The following NCAM1 variants were observed in gnomAD, a reference collection of about 807,000 sequenced individuals.
NCAM1 encodes the protein antigen recognized by monoclonal antibody 5.1H11.
Under a neutral mutation model 109.8 loss-of-function variants are expected in NCAM1, and 14 were observed. That is an observed-to-expected ratio of 0.13 (90% CI 0.08 to 0.20). The LOEUF is 0.20. Among genes scored for constraint, NCAM1 ranks in the 10% least tolerant of loss-of-function variants. The probability of loss-of-function intolerance (pLI) is 1.00; values close to 1 mark genes in which losing one functional copy is unlikely to be tolerated. For synonymous variants in NCAM1, 418 were observed against 442.9 expected, an observed-to-expected ratio of 0.94 and a Z score of 0.70; for missense variants, 774 against 1,109.9, an observed-to-expected ratio of 0.70 and a Z score of 4.30.
chr11:112,967,007 A>G (rs554031181), intron 1 of NCAM1, among the ~76,000 whole-genome samples: 3 of 152,318 alleles, frequency 2.0e-5, no homozygotes, highest in Admixed American at 6.5e-5. Flanking sequence ...TATGCATTCT[A>G]TTTTCTTCCA....
chr11:113,228,644 A>G (rs1214541941), intron 9 of NCAM1, among the ~76,000 whole-genome samples: 3 of 152,352 alleles, frequency 2.0e-5, no homozygotes, highest in Admixed American at 1.3e-4. Context: ...AAGCCAAAAG[A>G]ACAAAGCTGG....
intron 1 of NCAM1, among the ~76,000 whole-genome samples, chr11:113,115,137 T>G (rs1940643071): frequency 6.6e-6 from 1 of 152,144 alleles, no homozygotes; most frequent in African/African-American, 2.4e-5. Context: ...CCTTTTGAGT[T>G]CCTGAGTTGC....
At chr11:113,048,633 C>T (rs1374999930) in intron 1 of NCAM1, among the ~76,000 whole-genome samples, 3 of 152,156 alleles carry the variant, frequency 2.0e-5, no homozygotes, top group Non-Finnish European at 4.4e-5. Flanking sequence ...GTGCTTTGGA[C>T]TTTAATTTTT....
At chr11:113,255,652 C>T (rs554153780) in intron 15 of NCAM1, among the ~76,000 whole-genome samples, 2 of 147,198 alleles carry the variant, frequency 1.4e-5, no homozygotes, top group South Asian at 4.4e-4. Context: ...ACCCTGCTCA[C>T]AGGAAGGCTA....
intron 1 of NCAM1, among the ~76,000 whole-genome samples, chr11:113,021,731 T>A (rs2135245904): frequency 6.6e-6 from 1 of 152,356 alleles, no homozygotes. Context: ...TTACACAAAT[T>A]GTCATTTTGC....
intron 15 of NCAM1, among the ~76,000 whole-genome samples, chr11:113,247,331 G>A (rs554656500): frequency 2.6e-5 from 4 of 152,242 alleles, no homozygotes; most frequent in African/African-American, 9.6e-5. Context: ...CATGGATCAC[G>A]AAAGCAAAAC....
intron 17 of NCAM1, 152 bp from the exon 18 acceptor site, chr11:113,270,036 G>T (rs1342891456): frequency 9.9e-6 from 7 of 707,460 alleles, no homozygotes; most frequent in Non-Finnish European, 1.5e-5. Flanking sequence ...CAATTCTGGG[G>T]CATAGAAGGT....
chr11:113,177,306 A>G (rs542328879), intron 1 of NCAM1, among the ~76,000 whole-genome samples: 24 of 152,290 alleles, frequency 1.6e-4, no homozygotes, highest in Middle Eastern at 6.8e-3. Flanking sequence ...TCATGCTAGG[A>G]TGCTGCTGCT....
intron 1 of NCAM1, among the ~76,000 whole-genome samples, chr11:113,079,164 A>T (rs998429129): frequency 3.3e-5 from 5 of 152,192 alleles, no homozygotes; most frequent in Non-Finnish European, 7.4e-5. Context: ...CCTATTCTTG[A>T]AGTTCCACGA....
chr11:113,188,204 A>G (rs1267078875), intron 1 of NCAM1, among the ~76,000 whole-genome samples: 1 of 152,170 alleles, frequency 6.6e-6, no homozygotes, highest in African/African-American at 2.4e-5. Context: ...AAAGACGGGC[A>G]TGTCGGGGAG....
At chr11:112,970,624 C>A (rs1279939958) in intron 1 of NCAM1, among the ~76,000 whole-genome samples, 1 of 151,912 alleles carries the variant, frequency 6.6e-6, no homozygotes, top group East Asian at 1.9e-4. Context: ...CTTCCGCAAT[C>A]GAATATAAGA....
At chr11:113,261,189 A>G (rs1945984261) in intron 17 of NCAM1, among the ~76,000 whole-genome samples, 1 of 151,408 alleles carries the variant, frequency 6.6e-6, no homozygotes, top group Non-Finnish European at 1.5e-5. Context: ...GGCCTTGGGC[A>G]GCCCCCCTCA....
At chr11:113,152,133 G>T (rs551673439) in intron 1 of NCAM1, among the ~76,000 whole-genome samples, 1 of 152,348 alleles carries the variant, frequency 6.6e-6, no homozygotes, top group Non-Finnish European at 1.5e-5. Context: ...TTTCAGGAAG[G>T]CATCTCTCAT....
intron 1 of NCAM1, among the ~76,000 whole-genome samples, chr11:113,041,968 G>A (rs966046686): frequency 1.3e-5 from 2 of 151,990 alleles, no homozygotes; most frequent in South Asian, 4.2e-4. Context: ...CTCTTAATTC[G>A]CTTTCTCTTT....
intron 1 of NCAM1, 28 bp downstream of exon 1, chr11:112,961,692 AT>A (rs1219969058): frequency 1.4e-6 from 2 of 1,380,488 alleles, no homozygotes; most frequent in Non-Finnish European, 2.0e-6. Context: ...TTAATTCTCA[AT>A]CTGGTTTGCT....
intron 1 of NCAM1, among the ~76,000 whole-genome samples, chr11:113,190,889 C>A (rs76479412): frequency 6.6e-6 from 1 of 152,094 alleles, no homozygotes; most frequent in Non-Finnish European, 1.5e-5. Context: ...CTACAGATGA[C>A]CCCTTAAGGA....
intron 9 of NCAM1, among the ~76,000 whole-genome samples, chr11:113,228,901 C>A (rs1240409099): frequency 6.6e-6 from 1 of 152,002 alleles, no homozygotes; most frequent in African/African-American, 2.4e-5. Context: ...TGAAACTGGA[C>A]CCCTTCCTTA....
intron 1 of NCAM1, among the ~76,000 whole-genome samples, chr11:112,977,130 A>G (rs1951029325): frequency 6.9e-6 from 1 of 144,816 alleles, no homozygotes; most frequent in South Asian, 2.2e-4. Context: ...AAAAAAAAAA[A>G]TCACCTGGGA....
intron 14 of NCAM1, among the ~76,000 whole-genome samples, chr11:113,237,915 G>T (rs7119715): frequency 4.0e-5 from 2 of 49,540 alleles, no homozygotes; most frequent in Non-Finnish European, 9.4e-5. Context: ...GATATATATA[G>T]ATATATAGAT....
Sources: gnomAD v4.1 joint callset for allele counts (sites outside exome capture counted in the v4.1 genomes callset) on GRCh38, gnomAD v4.1.1 for gene constraint, MANE v1.5 for transcripts, NCBI Gene and HGNC (gene_info 2026-07-23, HGNC 2026-07-21) for gene names.